OSTN: variants seen among roughly 807,000 people sequenced by gnomAD.
The protein encoded by OSTN is osteocrin.
A neutral mutation model predicts 12.0 loss-of-function variants in OSTN; 9 were observed. That is an observed-to-expected ratio of 0.75 (90% CI 0.45 to 1.30). The LOEUF is 1.30. Ranked by LOEUF, OSTN falls within the 50% of genes most tolerant of loss-of-function variation. The probability of loss-of-function intolerance (pLI) is 0.00; values close to 1 mark genes in which losing one functional copy is unlikely to be tolerated. For synonymous variants in OSTN, 59 were observed against 56.9 expected, an observed-to-expected ratio of 1.04 and a Z score of -0.16; for missense variants, 148 against 152.3, an observed-to-expected ratio of 0.97 and a Z score of 0.15.
intron 1 of OSTN, among the ~76,000 whole-genome samples, chr3:191,202,942 T>C (rs796896863): frequency 2.0e-4 from 30 of 152,334 alleles, no homozygotes; most frequent in African/African-American, 7.2e-4. Context: ...TTTGGGGATT[T>C]AGGTACAGAT....
At chr3:191,205,967 C>G (rs759281173) in intron 1 of OSTN, among the ~76,000 whole-genome samples, 4 of 152,086 alleles carry the variant, frequency 2.6e-5, no homozygotes, top group African/African-American at 4.8e-5. Flanking sequence ...AGTGGATCAC[C>G]TGAAGTCAGG....
intron 3 of OSTN, among the ~76,000 whole-genome samples, chr3:191,245,084 C>G (rs1282789394): frequency 6.6e-6 from 1 of 152,164 alleles, no homozygotes. Context: ...AGATATTGCT[C>G]TCTTTTATAA....
chr3:191,207,097 C>T (rs1463964596), intron 1 of OSTN, among the ~76,000 whole-genome samples: 3 of 152,108 alleles, frequency 2.0e-5, no homozygotes, highest in East Asian at 1.9e-4. Flanking sequence ...AATGTATGTG[C>T]TCTGTCGCGG....
chr3:191,208,565 T>G (rs1231446709), intron 1 of OSTN, among the ~76,000 whole-genome samples: 1 of 152,248 alleles, frequency 6.6e-6, no homozygotes, highest in Admixed American at 6.5e-5. Flanking sequence ...TGGTTATCTG[T>G]AAGATGATAC....
At chr3:191,249,240 T>C (rs569854590) in intron 3 of OSTN, among the ~76,000 whole-genome samples, 1 of 152,318 alleles carries the variant, frequency 6.6e-6, no homozygotes, top group Admixed American at 6.5e-5. Flanking sequence ...CCAAGGCCAG[T>C]GAAAGTTATA....
At position 191,264,546 on chromosome 3, in the gene OSTN, T is replaced by C. The variant is rs887319754; in HGVS notation, c.*1693T>C. 2.6e-5 allele frequency: 4 copies of C among 152,168 alleles called. No homozygotes were observed. Among genetic ancestry groups the C allele is most frequent in the African/African-American group, 9.6e-5 (4 of 41,468 alleles). 9.4% of individuals were successfully genotyped at this position (152,168 alleles called of 1,614,324 possible). A position where few individuals can be genotyped will look rare whatever the true frequency, so the allele number is the denominator to read the frequency against. On this transcript the variant is annotated 3_prime_UTR_variant, in exon 5 of 5. Coordinates refer to ENST00000682035, the MANE Select transcript of OSTN (RefSeq NM_198184.2). The stretch of plus-strand genomic sequence containing the variant: ...AATTTTGGGAAATCTAACCAATTCT[T>C]TTTTTCATAAACTTGTGTTAGAAAG...
intron 2 of OSTN, among the ~76,000 whole-genome samples, chr3:191,217,796 C>G (rs1436446984): frequency 6.6e-6 from 1 of 152,056 alleles, no homozygotes; most frequent in Non-Finnish European, 1.5e-5. Flanking sequence ...TGGTGAGATG[C>G]TTAGAAACAG....
chr3:191,251,764 T>C (rs1715565509), intron 4 of OSTN, among the ~76,000 whole-genome samples: 1 of 152,180 alleles, frequency 6.6e-6, no homozygotes, highest in Non-Finnish European at 1.5e-5. Context: ...GGTTGAACAT[T>C]ATTTCTTCGT....
At chr3:191,261,681 C>T (rs894193569) in intron 4 of OSTN, among the ~76,000 whole-genome samples, 1 of 152,146 alleles carries the variant, frequency 6.6e-6, no homozygotes, top group African/African-American at 2.4e-5. Flanking sequence ...AGTTACCAGA[C>T]CAAACACTAA....
intron 3 of OSTN, among the ~76,000 whole-genome samples, chr3:191,225,322 C>T (rs1023998860): frequency 3.9e-5 from 6 of 151,960 alleles, no homozygotes; most frequent in African/African-American, 1.2e-4. Context: ...TTTTATTTAC[C>T]GTTTTTATTT....
intron 1 of OSTN, among the ~76,000 whole-genome samples, chr3:191,207,992 G>C (rs1714321805): frequency 6.6e-6 from 1 of 152,102 alleles, no homozygotes; most frequent in African/African-American, 2.4e-5. Context: ...TATTTAAAAC[G>C]TCAAAACACA....
intron 4 of OSTN, among the ~76,000 whole-genome samples, chr3:191,260,537 G>T (rs749759590): frequency 3.3e-5 from 5 of 152,156 alleles, no homozygotes; most frequent in African/African-American, 7.2e-5. Flanking sequence ...TCCTGGGATT[G>T]GACTTTCCCG....
chr3:191,261,523 G>A (rs921165430), intron 4 of OSTN, among the ~76,000 whole-genome samples: 2 of 152,130 alleles, frequency 1.3e-5, no homozygotes, highest in Non-Finnish European at 2.9e-5. Context: ...GAAAGCATTA[G>A]ACTCTCAGTT....
At chr3:191,245,589 A>T (rs1715409997) in intron 3 of OSTN, among the ~76,000 whole-genome samples, 1 of 152,254 alleles carries the variant, frequency 6.6e-6, no homozygotes, top group East Asian at 1.9e-4. Context: ...AGGAAGTAAA[A>T]CAGAATTTAT....
rs1715891518 is a variant in OSTN at position 191,265,021 on chromosome 3, ACT to A, written c.*2171_*2172del. The A allele has an allele frequency of 6.6e-6, 1 of 152,114 alleles. No homozygotes were observed. Among genetic ancestry groups the A allele is most frequent in the Non-Finnish European group, 1.5e-5 (1 of 67,974 alleles). The allele number at this position is 152,114 out of a possible 1,614,324, so 9.4% of individuals were successfully genotyped here. On this transcript the variant is annotated 3_prime_UTR_variant, in exon 5 of 5. Coordinates refer to ENST00000682035, the MANE Select transcript of OSTN (RefSeq NM_198184.2). ...GAAGAAAATGTTTTCTCCACTTATA[ACT>A]CTATTTTATTTCATATTTTAATTTT...
chr3:191,258,853 T>G (rs960862851), intron 4 of OSTN, among the ~76,000 whole-genome samples: 29 of 152,144 alleles, frequency 1.9e-4, no homozygotes, highest in African/African-American at 7.0e-4. Context: ...TGGAAACAAC[T>G]ATAGTTGGCC....
intron 4 of OSTN, among the ~76,000 whole-genome samples, chr3:191,255,888 A>G (rs1254407651): frequency 1.3e-5 from 2 of 152,056 alleles, no homozygotes; most frequent in Non-Finnish European, 2.9e-5. Context: ...TTAGAGTCCT[A>G]AAAATTTTGT....
At chr3:191,199,339 A>C (rs1714102491) in intron 1 of OSTN, 32 bp downstream of exon 1, 1 of 152,114 alleles carries the variant, frequency 6.6e-6, no homozygotes, top group Non-Finnish European at 1.5e-5. Flanking sequence ...ATAAAGATTT[A>C]ATGCTTCTTT....
At chr3:191,232,506 C>CTATATATATATATA (rs150235705) in intron 3 of OSTN, among the ~76,000 whole-genome samples, 1 of 146,322 alleles carries the variant, frequency 6.8e-6, no homozygotes, top group Non-Finnish European at 1.5e-5. Context: ...AAAGTAAATG[C>CTATATATATATATA]TATATATATA....
Sources: allele counts gnomAD v4.1 joint callset (sites outside exome capture counted in the v4.1 genomes callset), GRCh38; gene constraint gnomAD v4.1.1; transcripts MANE v1.5; gene names NCBI Gene and HGNC (gene_info 2026-07-23, HGNC 2026-07-21).